FRMD4A: variants seen among roughly 807,000 people sequenced by gnomAD.
FRMD4A encodes the protein FERM domain containing 4A.
In FRMD4A, 29 loss-of-function variants were observed where a neutral mutation model predicts 129.1. The observed-to-expected ratio is 0.22, with a 90% CI of 0.17 to 0.31. The LOEUF (loss-of-function observed/expected upper bound fraction) is 0.31, where lower values mean the gene tolerates loss of function less well. Among genes scored for constraint, FRMD4A ranks in the 10% least tolerant of loss-of-function variants. The pLI is 1.00. For synonymous variants in FRMD4A, 634 were observed against 571.6 expected (o/e 1.11, Z -1.56); for missense variants, 1,272 against 1,375.8 (o/e 0.92, Z 1.19).
chr10:13,818,751 A>G (rs1323772506), intron 3 of FRMD4A, among the ~76,000 whole-genome samples: 1 of 152,240 alleles, frequency 6.6e-6, no homozygotes. Context: ...AGTCTGATCT[A>G]TATGAAGTAC....
intron 4 of FRMD4A, among the ~76,000 whole-genome samples, chr10:13,808,258 TAAAG>T (rs1216911256): frequency 6.6e-6 from 1 of 152,214 alleles, no homozygotes; most frequent in African/African-American, 2.4e-5. Context: ...CAGGCTGTCA[TAAAG>T]AATGGAACTA....
At chr10:13,997,800 G>C (rs2095628195) in intron 2 of FRMD4A, among the ~76,000 whole-genome samples, 1 of 151,826 alleles carries the variant, frequency 6.6e-6, no homozygotes, top group Non-Finnish European at 1.5e-5. Flanking sequence ...TTTGTTTGTA[G>C]AGATGGGGTT....
intron 2 of FRMD4A, among the ~76,000 whole-genome samples, chr10:13,953,341 G>T (rs1478903858): frequency 6.6e-6 from 1 of 152,132 alleles, no homozygotes; most frequent in South Asian, 2.1e-4. Context: ...CCAAGAAAGT[G>T]ATAACTACAT....
chr10:14,251,810 A>G (rs973266050), intron 2 of FRMD4A, among the ~76,000 whole-genome samples: 2 of 152,068 alleles, frequency 1.3e-5, no homozygotes, highest in African/African-American at 4.8e-5. Flanking sequence ...CTGTCCCTTC[A>G]TTTTTTGATG....
rs1284217978 is a variant in FRMD4A, at chr10:13,699,206, C to T, written c.975+2134G>A. ...TAGTAGCTGAGATTACAGATGCCTG[C>T]CACGATGCTTGGTTATTGTTTTTTT... On this transcript the variant is annotated intron_variant, in intron 14 of 24. Coordinates refer to ENST00000357447, the MANE Select transcript of FRMD4A (RefSeq NM_018027.5). Among the ~76,000 whole-genome samples the T allele has an allele frequency of 2.0e-5, 3 of 149,296 alleles. No individual in the cohort carries two copies. The East Asian group carries it at 6.0e-4, about 30-fold the overall frequency.
At chr10:13,967,063 C>G (rs182266871) in intron 2 of FRMD4A, among the ~76,000 whole-genome samples, 1 of 152,306 alleles carries the variant, frequency 6.6e-6, no homozygotes, top group African/African-American at 2.4e-5. Context: ...ACGGGCCGGG[C>G]GCGGTGGCTC....
At chr10:13,755,407 A>G (rs2130673126) in intron 8 of FRMD4A, among the ~76,000 whole-genome samples, 1 of 152,366 alleles carries the variant, frequency 6.6e-6, no homozygotes, top group South Asian at 2.1e-4. Flanking sequence ...TTTTTGGGCC[A>G]TAAAAATTTC....
At chr10:13,700,301 T>G (rs1424022390) in intron 14 of FRMD4A, among the ~76,000 whole-genome samples, 1 of 151,172 alleles carries the variant, frequency 6.6e-6, no homozygotes, top group Non-Finnish European at 1.5e-5. Flanking sequence ...ATTCGCTCAC[T>G]CTCCTCTTCC....
intron 14 of FRMD4A, among the ~76,000 whole-genome samples, chr10:13,699,224 GTTTTTTTTTTTT>G (rs1168489802): frequency 2.6e-5 from 2 of 76,270 alleles, no homozygotes; most frequent in Admixed American, 3.5e-4. Flanking sequence ...CTTGGTTATT[GTTTTTTTTTTTT>G]TTTTTTTTTT....
At chr10:13,940,960 A>G (rs1305122625) in intron 2 of FRMD4A, among the ~76,000 whole-genome samples, 1 of 152,186 alleles carries the variant, frequency 6.6e-6, no homozygotes, top group Non-Finnish European at 1.5e-5. Flanking sequence ...TACTGACTAT[A>G]AAGGAAGAAG....
chr10:14,008,050 C>T lies in FRMD4A; in HGVS notation c.46-149138G>A, dbSNP rs376698792. ...CAACTGAGAAGCAAACAACCCGCCA[C>T]GTAGCTTACCCTTTCAACGCTGCGC... is the stretch of plus-strand genomic sequence containing the variant. On this transcript the variant is annotated intron_variant, in intron 2 of 24. Coordinates refer to ENST00000357447, the MANE Select transcript of FRMD4A (RefSeq NM_018027.5). 52 of 1,300,038 alleles carry T rather than the reference C, an allele frequency of 4.0e-5. No individual in the cohort carries two copies. The East Asian group carries it at 9.5e-4, about 24-fold the overall frequency. The allele number at this position is 1,300,038 out of a possible 1,614,324, so 80.5% of individuals were successfully genotyped here.
rs1244843548 is a variant in FRMD4A, at chr10:13,657,532, G to C, written c.2067-10C>G. On this transcript the variant is annotated splice_polypyrimidine_tract_variant and intron_variant, in intron 21 of 24. Coordinates refer to ENST00000357447, the MANE Select transcript of FRMD4A (RefSeq NM_018027.5). The stretch of plus-strand genomic sequence containing the variant: ...GCTGATGTCCACCGACCTGCCGGGA[G>C]ACGACCCGGGTTGGTCTGGGGGTGG... 1.9e-6 allele frequency: 3 copies of C among 1,561,294 alleles called. No individual in the cohort carries two copies. The highest frequency in any genetic ancestry group is 1.4e-5 in the African/African-American group (1 of 74,062).
At chr10:14,327,667 A>C (rs1843331163) in intron 2 of FRMD4A, among the ~76,000 whole-genome samples, 1 of 152,238 alleles carries the variant, frequency 6.6e-6, no homozygotes, top group African/African-American at 2.4e-5. Context: ...CTTATCCAAA[A>C]GCAAGGGGTG....
intron 2 of FRMD4A, among the ~76,000 whole-genome samples, chr10:13,991,077 A>C (rs2095601589): frequency 6.6e-6 from 1 of 152,150 alleles, no homozygotes; most frequent in Non-Finnish European, 1.5e-5. Context: ...GGTTTTCCTA[A>C]AACACTGTGC....
At chr10:13,651,694 G>C in intron 24 of FRMD4A, 1 of 573,554 alleles carries the variant, frequency 1.7e-6, no homozygotes, top group Non-Finnish European at 3.1e-6. Context: ...TACTCTGGGG[G>C]TCTTTTCTGG....
chr10:14,207,919 G>A (rs1034154536), intron 2 of FRMD4A, among the ~76,000 whole-genome samples: 2 of 152,074 alleles, frequency 1.3e-5, no homozygotes, highest in African/African-American at 4.8e-5. Flanking sequence ...CAAAATTGTT[G>A]GCTGGGCGCA....
intron 2 of FRMD4A, among the ~76,000 whole-genome samples, chr10:13,961,106 C>T (rs1424452055): frequency 3.3e-5 from 5 of 152,182 alleles, no homozygotes; most frequent in African/African-American, 9.6e-5. Flanking sequence ...GTAAGTGGAC[C>T]CTTAGCCAGA....
At chr10:13,975,214 AATGTGTGTGTGTAT>A (rs1222062888) in intron 2 of FRMD4A, among the ~76,000 whole-genome samples, 2 of 144,854 alleles carry the variant, frequency 1.4e-5, no homozygotes, top group Non-Finnish European at 3.0e-5. Flanking sequence ...ATCATATGTT[AATGTGTGTGTGTAT>A]GTGTGTGTGT....
intron 18 of FRMD4A, among the ~76,000 whole-genome samples, chr10:13,665,438 T>C (rs2082948876): frequency 1.3e-5 from 2 of 152,158 alleles, no homozygotes; most frequent in South Asian, 4.1e-4. Flanking sequence ...ATGCTTGATA[T>C]ATATTTTCAA....
Sources: gnomAD v4.1 joint callset for allele counts (sites outside exome capture counted in the v4.1 genomes callset) on GRCh38, gnomAD v4.1.1 for gene constraint, MANE v1.5 for transcripts, NCBI Gene and HGNC (gene_info 2026-07-23, HGNC 2026-07-21) for gene names.